Variants in ZC3H4 observed in about 807,000 individuals in gnomAD.
ZC3H4 encodes the protein zinc finger CCCH-type containing 4, also known as zinc finger CCCH domain-containing protein 4.
ZC3H4 carries 13 observed loss-of-function variants against 108.3 expected under a neutral mutation model. The observed-to-expected ratio is 0.12, with a 90% CI of 0.08 to 0.19. The LOEUF (loss-of-function observed/expected upper bound fraction) is 0.19, where lower values mean the gene tolerates loss of function less well. Ranked by LOEUF, ZC3H4 falls within the 10% of genes least tolerant of loss-of-function variation. The probability of loss-of-function intolerance (pLI) is 1.00; values close to 1 mark genes in which losing one functional copy is unlikely to be tolerated. For missense variants in ZC3H4, 1,734 were observed against 1,838.8 expected, an observed-to-expected ratio of 0.94 and a Z score of 1.04; for synonymous variants, 917 against 749.6, an observed-to-expected ratio of 1.22 and a Z score of -3.65.
At chr19:47,098,288 G>A (rs570327371) in intron 2 of ZC3H4, among the ~76,000 whole-genome samples, 2 of 152,148 alleles carry the variant, frequency 1.3e-5, no homozygotes, top group African/African-American at 4.8e-5. Flanking sequence ...TCAGGAGTTC[G>A]GGACCAGCCT....
In ZC3H4 at chr19:47,066,778, C is replaced by A; in HGVS notation, c.3490G>T (p.Ala1164Ser). ...TTGGGCTGGGCACCCGTGTCAGCAG[C>A]CGGCTCTGTGGCTTTGCCCCCCGCG... ...PNAGGKATEPAADTGAQPKGA... is the reference protein window; with the variant it reads ...PNAGGKATEPSADTGAQPKGA... The change falls in exon 15 of 15, where the codon GCT becomes TCT. Residue 1164 changes from alanine (A) to serine (S), a missense_variant. Ala to Ser is a moderately conservative substitution (Grantham distance 99). This residue lies in a region of ZC3H4 where 518 missense variants were observed against 499.6 expected (regional missense o/e 1.04). Coordinates refer to ENST00000253048, the MANE Select transcript of ZC3H4 (RefSeq NM_015168.2). 1.2e-6 allele frequency: 2 copies of A among 1,601,956 alleles called. No individual in the cohort carries two copies. The highest frequency in any genetic ancestry group is 4.5e-5 in the East Asian group (2 of 44,758).
Position 47,081,488 on chromosome 19 carries a change from G to A in ZC3H4, c.1440+25C>T, listed in dbSNP as rs373445222. On this transcript the variant is annotated intron_variant, in intron 11 of 14. Transcript: ENST00000253048. ...CGCATGTCCCAGTTCCTGTAGCCGG[G>A]GGCCCCGTTACCCCCGGACATTACC... 11 of 1,607,300 alleles carry A rather than the reference G, an allele frequency of 6.8e-6. No individual in the cohort carries two copies. In the African/African-American group the frequency reaches 1.2e-4, roughly 18 times the overall value.
intron 4 of ZC3H4, among the ~76,000 whole-genome samples, chr19:47,093,326 G>T (rs116703992): frequency 4.6e-5 from 7 of 151,798 alleles, no homozygotes; most frequent in Admixed American, 3.9e-4. Context: ...CTTGAAATGA[G>T]AGCGACAGTG....
chr19:47,084,420 A>C lies in ZC3H4; in HGVS notation c.1143T>G (p.His381Gln), dbSNP rs754619167. ...GGGGSYRSRD[H>Q]DKPHQQSDKK... ...TGTCCGACTGCTGGTGGGGCTTGTCATGGTCACGACTCCGGTAGCTTCCAC... is the reference window on the plus strand; with the variant it reads ...TGTCCGACTGCTGGTGGGGCTTGTCCTGGTCACGACTCCGGTAGCTTCCAC... The change falls in exon 9 of 15, where the codon CAT becomes CAG. Residue 381 changes from histidine to glutamine, a missense_variant. By Grantham distance (24) the His-to-Gln change is conservative (BLOSUM62 0). Around this residue, in one of 9 missense-constraint regions of ZC3H4, gnomAD observed 403 missense variants for 457.0 expected, o/e 0.88. Transcript: ENST00000253048. 2 of 1,614,214 alleles carry C rather than the reference A, an allele frequency of 1.2e-6. No homozygotes were observed. The highest frequency in any genetic ancestry group is 4.5e-5 in the East Asian group (2 of 44,882).
chr19:47,109,089 CCTTTT>C (rs1249252955), intron 2 of ZC3H4, among the ~76,000 whole-genome samples: 10 of 152,004 alleles, frequency 6.6e-5, no homozygotes, highest in South Asian at 2.1e-4. Flanking sequence ...TGAGTGACAC[CCTTTT>C]CTTTTTTTTT....
At chr19:47,085,843 C>T (rs1272880045) in intron 6 of ZC3H4, among the ~76,000 whole-genome samples, 1 of 152,142 alleles carries the variant, frequency 6.6e-6, no homozygotes, top group Admixed American at 6.5e-5. Context: ...GGGATGTTTT[C>T]ACAGCACATC....
chr19:47,067,637 A>G lies in ZC3H4; in HGVS notation c.2631T>C (p.Ser877=). The part of the protein sequence containing the change: ...DPRLTRHVEA[S]GGSGPGDSGP... ...CCGAATCACCTGGGCCAGACCCGCC[A>G]GAAGCCTCCACATGGCGGGTGAGTC... The change falls in exon 15 of 15, where the codon TCT becomes TCC. Residue 877 remains serine, a synonymous_variant. Coordinates refer to ENST00000253048, the MANE Select transcript of ZC3H4 (RefSeq NM_015168.2). The surrounding 1 kb of genome is among the most constrained non-coding windows in gnomAD (Gnocchi z 6.4). 6.2e-7 allele frequency: 1 copy of G among 1,605,068 alleles called. No homozygotes were observed. Among genetic ancestry groups the G allele is most frequent in the East Asian group, 2.2e-5 (1 of 44,794 alleles).
At position 47,112,444 on chromosome 19, in the gene ZC3H4, G is replaced by A; in HGVS notation, c.141C>T (p.Arg47=). Residue 47 remains arginine (R), a synonymous_variant, in exon 2 of 15, where the codon CGC becomes CGT. Coordinates refer to ENST00000253048, the MANE Select transcript of ZC3H4 (RefSeq NM_015168.2). ...CTGACCTGTCGTCAGGGAGCGGGAG[G>A]CGGTGGTGGAGGAGGTGCGGGGTGG... ...RPATPHLLHH[R]LPLPDDREDG... 1 of 1,237,052 alleles carries A rather than the reference G, an allele frequency of 8.1e-7. No individual in the cohort carries two copies. The highest frequency in any genetic ancestry group is 1.0e-6 in the Non-Finnish European group (1 of 987,436). The allele number at this position is 1,237,052 out of a possible 1,614,324, so 76.6% of individuals were successfully genotyped here. A position where few individuals can be genotyped will look rare whatever the true frequency, so the allele number is the denominator to read the frequency against.
chr19:47,091,488 C>T (rs1245426900), intron 4 of ZC3H4, among the ~76,000 whole-genome samples: 1 of 151,764 alleles, frequency 6.6e-6, no homozygotes, highest in Non-Finnish European at 1.5e-5. Flanking sequence ...GTGTGAGAAT[C>T]ACTTGAACCC....
In ZC3H4 at chr19:47,066,340, C is replaced by G. The variant is rs1193555933; in HGVS notation, c.*16G>C. ...ACCCTAGGAAGGGTGGCTGGAGCCGCAGCTCTGGCTGGACACTACTGGCAA... is the reference window on the plus strand; with the variant it reads ...ACCCTAGGAAGGGTGGCTGGAGCCGGAGCTCTGGCTGGACACTACTGGCAA... On this transcript the variant is annotated 3_prime_UTR_variant, in exon 15 of 15. Coordinates refer to ENST00000253048, the MANE Select transcript of ZC3H4 (RefSeq NM_015168.2). 6.7e-7 allele frequency: 1 copy of G among 1,497,146 alleles called. No individual in the cohort carries two copies. The allele number at this position is 1,497,146 out of a possible 1,614,324, so 92.7% of individuals were successfully genotyped here.
chr19:47,076,343 ACACT>A (rs1486654894), intron 11 of ZC3H4, among the ~76,000 whole-genome samples: 1 of 152,014 alleles, frequency 6.6e-6, no homozygotes, highest in African/African-American at 2.4e-5. Flanking sequence ...ACACACACAC[ACACT>A]CACACTCTTA....
intron 11 of ZC3H4, among the ~76,000 whole-genome samples, chr19:47,078,789 G>T (rs2057467130): frequency 6.6e-6 from 1 of 152,122 alleles, no homozygotes; most frequent in Admixed American, 6.5e-5. Context: ...AACCTGGAAG[G>T]CAGAGGTTGC....
At chr19:47,082,076 GGCACAGAGAGAAA>G (rs2057534502) in intron 10 of ZC3H4, 95 bp downstream of exon 10, 3 of 959,738 alleles carry the variant, frequency 3.1e-6, no homozygotes, top group Non-Finnish European at 5.0e-6. Flanking sequence ...GAAAGCTCTT[GGCACAGAGAGAAA>G]GCACAGAGAA....
intron 11 of ZC3H4, among the ~76,000 whole-genome samples, chr19:47,079,141 T>C (rs2057475716): frequency 6.6e-6 from 1 of 150,620 alleles, no homozygotes; most frequent in South Asian, 2.1e-4. Context: ...GCGATTCTCC[T>C]GCCTCAGCCT....
rs750038223 is a variant in ZC3H4 at position 47,086,471 on chromosome 19, C to T, written c.783G>A (p.Met261Ile). ...TGCCCCTGCCTCGGCTGCCCCTGCC[C>T]ATGCCGCGGCCTCGCGATCCTCCAC... ...GSRGGSRGRG[M>I]GRGSRGRGRG... is the part of the protein sequence containing the mutation. Residue 261 changes from methionine to isoleucine, a missense_variant, in exon 6 of 15, where the codon ATG becomes ATA. Met to Ile is a conservative substitution (Grantham distance 10). Around this residue, in one of 9 missense-constraint regions of ZC3H4, gnomAD observed 403 missense variants for 457.0 expected, o/e 0.88. Coordinates refer to ENST00000253048, the MANE Select transcript of ZC3H4 (RefSeq NM_015168.2). The T allele has an allele frequency of 1.2e-6, 2 of 1,611,230 alleles. No individual in the cohort carries two copies. The highest frequency in any genetic ancestry group is 1.7e-6 in the Non-Finnish European group (2 of 1,179,560).
intron 13 of ZC3H4, among the ~76,000 whole-genome samples, chr19:47,070,973 G>A (rs1237867778): frequency 6.6e-6 from 1 of 151,964 alleles, no homozygotes; most frequent in Non-Finnish European, 1.5e-5. Context: ...TGCCACAGCA[G>A]CTCCCCCAGT....
chr19:47,081,305 G>T (rs1223274664), intron 11 of ZC3H4, among the ~76,000 whole-genome samples: 4 of 152,216 alleles, frequency 2.6e-5, no homozygotes, highest in African/African-American at 4.8e-5. Flanking sequence ...AACAGCAAAA[G>T]CTTGTCCTGG....
intron 13 of ZC3H4, among the ~76,000 whole-genome samples, chr19:47,069,654 C>T (rs1281420399): frequency 2.0e-5 from 3 of 152,222 alleles, no homozygotes; most frequent in Admixed American, 6.5e-5. Flanking sequence ...CAGAAACAGT[C>T]CCTCTGGAAC....
chr19:47,091,831 T>C (rs915574139), intron 4 of ZC3H4, among the ~76,000 whole-genome samples: 1 of 151,654 alleles, frequency 6.6e-6, no homozygotes, highest in Non-Finnish European at 1.5e-5. Context: ...AGGCGGAGGT[T>C]GCAGTGAGCC....
Sources: gnomAD v4.1 joint callset for allele counts (sites outside exome capture counted in the v4.1 genomes callset) on GRCh38, gnomAD v4.1.1 for gene constraint, gnomAD v4.1.1 regional missense constraint, Gnocchi (gnomAD v3.1) non-coding constraint, MANE v1.5 for transcripts, NCBI Gene and HGNC (gene_info 2026-07-23, HGNC 2026-07-21) for gene names.